The following CR1 variants were observed in gnomAD, a reference collection of about 807,000 sequenced individuals.
CR1 encodes complement receptor type 1.
Under a neutral mutation model 187.3 loss-of-function variants are expected in CR1, and 116 were observed. That is an observed-to-expected ratio of 0.62 (90% confidence interval 0.53 to 0.72). CR1 has a LOEUF of 0.72. Ranked by LOEUF, CR1 falls within the 30% of genes least tolerant of loss-of-function variation. The pLI is 0.00. For synonymous variants in CR1, 576 were observed against 747.1 expected (o/e 0.77, Z 3.73); for missense variants, 1,731 against 2,110.7 (o/e 0.82, Z 3.52).
At chr1:207,520,023 T>C (rs190603724) in intron 4 of CR1, among the ~76,000 whole-genome samples, 1 of 152,360 alleles carries the variant, frequency 6.6e-6, no homozygotes, top group Admixed American at 6.5e-5. Context: ...ATTTAACGAT[T>C]TACATATATT....
At chr1:207,604,336 G>T (rs796487539) in intron 35 of CR1, among the ~76,000 whole-genome samples, 18 of 151,320 alleles carry the variant, frequency 1.2e-4, no homozygotes, top group African/African-American at 4.4e-4. Flanking sequence ...AGGTTTATTT[G>T]TAATTATTCA....
chr1:207,520,818 G>T (rs141870715), intron 4 of CR1, among the ~76,000 whole-genome samples: 175 of 152,140 alleles, frequency 1.2e-3, no homozygotes, highest in Non-Finnish European at 2.0e-3. Flanking sequence ...TTTTCTAAGT[G>T]TGGTTCCTCT....
rs1465122929 is a variant in CR1, at chr1:207,641,154, A to C, written c.*1745A>C. 1 of 152,174 alleles carries C rather than the reference A, an allele frequency of 6.6e-6. No homozygotes were observed. Among genetic ancestry groups the C allele is most frequent in the Non-Finnish European group, 1.5e-5 (1 of 68,030 alleles). 9.4% of individuals were successfully genotyped at this position (152,174 alleles called of 1,614,324 possible). On this transcript the variant is annotated 3_prime_UTR_variant, in exon 47 of 47. Coordinates refer to ENST00000367049, the MANE Select transcript of CR1 (RefSeq NM_000651.6). ...TTTTGCTTAGTTGAATCTTTAGCAA[A>C]TCTCTTTTATTTCTTGGGATTTTGA...
At position 207,544,709 on chromosome 1, in the gene CR1, G is replaced by A. The variant is rs1466509988; in HGVS notation, c.2237-599G>A. On this transcript the variant is annotated intron_variant, in intron 13 of 46. Coordinates refer to ENST00000367049, the MANE Select transcript of CR1 (RefSeq NM_000651.6). ...GACAGTTTCCCACCTTCTCACTGAAGTGAAATGAATGACTAGGCAGCACCT... is the reference window on the plus strand; with the variant it reads ...GACAGTTTCCCACCTTCTCACTGAAATGAAATGAATGACTAGGCAGCACCT... Among the ~76,000 whole-genome samples, 7 of 147,730 alleles carry A rather than the reference G, an allele frequency of 4.7e-5. 1 individual carries two copies. The highest frequency in any genetic ancestry group is 8.8e-5 in the Non-Finnish European group (6 of 67,834).
At chr1:207,595,182 A>C (rs1049411549) in intron 35 of CR1, among the ~76,000 whole-genome samples, 2 of 151,854 alleles carry the variant, frequency 1.3e-5, no homozygotes, top group African/African-American at 4.8e-5. Flanking sequence ...TGAAGACAAG[A>C]TTGAATTCTC....
intron 40 of CR1, among the ~76,000 whole-genome samples, chr1:207,615,103 C>A (rs1219456364): frequency 6.6e-6 from 1 of 152,172 alleles, no homozygotes; most frequent in Non-Finnish European, 1.5e-5. Context: ...GCCACCATGC[C>A]CAGCCAAATT....
intron 40 of CR1, among the ~76,000 whole-genome samples, chr1:207,615,842 A>G (rs1662075071): frequency 6.6e-6 from 1 of 152,232 alleles, no homozygotes; most frequent in African/African-American, 2.4e-5. Context: ...TTCAAGCATG[A>G]GAAGTCAATC....
At chr1:207,518,397 G>T (rs1659868320) in intron 4 of CR1, among the ~76,000 whole-genome samples, 1 of 152,150 alleles carries the variant, frequency 6.6e-6, no homozygotes, top group Non-Finnish European at 1.5e-5. Flanking sequence ...AGGAAAATGT[G>T]GTTTAGAACA....
intron 46 of CR1, among the ~76,000 whole-genome samples, chr1:207,634,454 T>G (rs552318103): frequency 6.6e-6 from 1 of 152,288 alleles, no homozygotes; most frequent in Non-Finnish European, 1.5e-5. Context: ...TAAGACCTTG[T>G]GCACCCAGGT....
In CR1 at chr1:207,575,580, A is replaced by AT; in HGVS notation, c.4452-9dup. ...GGTATGTACAGGACAATGATTTTCCATTTTTTGCCTTTAGGCACCGACTCA... is the reference window on the plus strand; with the variant it reads ...GGTATGTACAGGACAATGATTTTCCATTTTTTTGCCTTTAGGCACCGACTCA... On this transcript the variant is annotated splice_polypyrimidine_tract_variant and intron_variant, in intron 27 of 46. Coordinates refer to ENST00000367049, the MANE Select transcript of CR1 (RefSeq NM_000651.6). 1 of 1,611,796 alleles carries AT rather than the reference A, an allele frequency of 6.2e-7. No individual in the cohort carries two copies. The highest frequency in any genetic ancestry group is 8.5e-7 in the Non-Finnish European group (1 of 1,179,706).
chr1:207,512,948 A>C (rs1406438823), intron 4 of CR1, among the ~76,000 whole-genome samples: 3 of 152,226 alleles, frequency 2.0e-5, no homozygotes, highest in African/African-American at 4.8e-5. Flanking sequence ...TTTACAATAC[A>C]TGCTTTTGAT....
intron 33 of CR1, among the ~76,000 whole-genome samples, chr1:207,586,128 G>GTT (rs754453301): frequency 1.6e-4 from 25 of 151,792 alleles, no homozygotes; most frequent in Non-Finnish European, 3.5e-4. Context: ...TTTGTTTTGT[G>GTT]TGTGTGTGTG....
chr1:207,574,569 TA>T (rs1390307338), intron 27 of CR1, among the ~76,000 whole-genome samples: 1 of 151,522 alleles, frequency 6.6e-6, no homozygotes, highest in Non-Finnish European at 1.5e-5. Context: ...AAAACAACAA[TA>T]AAAAAATACA....
intron 36 of CR1, among the ~76,000 whole-genome samples, chr1:207,607,561 T>C (rs1040670769): frequency 2.6e-5 from 4 of 152,324 alleles, no homozygotes; most frequent in African/African-American, 9.6e-5. Flanking sequence ...CCCATTATAA[T>C]AGTAAATATT....
At position 207,623,051 on chromosome 1, in the gene CR1, T is replaced by A. The variant is rs1433846701; in HGVS notation, c.7335T>A (p.Ile2445=). Residue 2445 remains isoleucine, a synonymous_variant, in exon 45 of 47, where the codon ATT becomes ATA. Transcript: ENST00000367049. ...ILLIIFLSWI[I]LKHRKGNNAH... is the part of the protein sequence containing the mutation. ...TCATCATTTTCCTCTCTTGGATAAT[T>A]CTAAAGCACAGAAAAGGGTAAGTAT... 2 of 1,578,934 alleles carry A rather than the reference T, an allele frequency of 1.3e-6. No homozygotes were observed. The highest frequency in any genetic ancestry group is 3.6e-5 in the Admixed American group (2 of 54,962).
chr1:207,603,186 A>T (rs917537300), intron 35 of CR1, among the ~76,000 whole-genome samples: 3 of 152,082 alleles, frequency 2.0e-5, no homozygotes, highest in African/African-American at 7.2e-5. Context: ...AGGGTGTTTG[A>T]TACCAGATCA....
intron 45 of CR1, among the ~76,000 whole-genome samples, chr1:207,629,035 A>G (rs1662569547): frequency 6.6e-6 from 1 of 152,106 alleles, no homozygotes; most frequent in African/African-American, 2.4e-5. Flanking sequence ...TTGATATTTC[A>G]CTGTGTATTT....
At chr1:207,522,179 T>C (rs1660019909) in intron 4 of CR1, among the ~76,000 whole-genome samples, 1 of 152,178 alleles carries the variant, frequency 6.6e-6, no homozygotes, top group South Asian at 2.1e-4. Context: ...CCCATCTTCT[T>C]CCAGATGGAA....
rs1173016382 is a variant in CR1, at chr1:207,556,655, A to ATG, written c.3102-1882_3102-1881insGT. 3.0e-3 allele frequency among the ~76,000 whole-genome samples: 195 copies of ATG among 64,804 alleles called. 30 individuals are homozygous for ATG. The highest frequency in any genetic ancestry group is 0.016 in the Middle Eastern group (2 of 122). The allele number at this position is 64,804 out of a possible 152,430, so 42.5% of individuals were successfully genotyped here. On this transcript the variant is annotated intron_variant, in intron 19 of 46. Transcript: ENST00000367049. ...CATACATGTGATCTATATCATATAT[A>ATG]TATATATATATATATATATATATAT...
Sources: allele counts gnomAD v4.1 joint callset (sites outside exome capture counted in the v4.1 genomes callset), GRCh38; gene constraint gnomAD v4.1.1; transcripts MANE v1.5; gene names NCBI Gene and HGNC (gene_info 2026-07-23, HGNC 2026-07-21).